The following GALNT13 variants were observed in gnomAD, a reference collection of about 807,000 sequenced individuals.
GALNT13 encodes UDP-GalNAc:polypeptide N-acetylgalactosaminyltransferase 13.
A neutral mutation model predicts 64.2 loss-of-function variants in GALNT13; 28 were observed. The observed-to-expected ratio is 0.44, with a 90% CI of 0.32 to 0.60. The LOEUF is 0.60. Ranked by LOEUF, GALNT13 falls within the 20% of genes least tolerant of loss-of-function variation. GALNT13 has a pLI of 0.05. For missense variants in GALNT13, 577 were observed against 669.8 expected (o/e 0.86, Z 1.53); for synonymous variants, 214 against 224.6 (o/e 0.95, Z 0.42).
the GALNT13 span, among the ~76,000 whole-genome samples, chr2:153,667,232 T>C: frequency 6.6e-6 from 1 of 152,130 alleles, no homozygotes; most frequent in Non-Finnish European, 1.5e-5. Context: ...TCCCTGAACA[T>C]TTCCCCAGCC....
chr2:153,164,339 C>T, the GALNT13 span, among the ~76,000 whole-genome samples: 1 of 152,046 alleles, frequency 6.6e-6, no homozygotes, highest in African/African-American at 2.4e-5. Context: ...CGAGTGAGAA[C>T]ATCTCATGTA....
chr2:153,804,019 G>T, the GALNT13 span, among the ~76,000 whole-genome samples: 1 of 152,138 alleles, frequency 6.6e-6, no homozygotes, highest in Non-Finnish European at 1.5e-5. Flanking sequence ...GACCACATCT[G>T]CATTTGTCAA....
At chr2:153,708,056 C>G in the GALNT13 span, among the ~76,000 whole-genome samples, 1 of 152,108 alleles carries the variant, frequency 6.6e-6, no homozygotes, top group African/African-American at 2.4e-5. Flanking sequence ...TCCATACCCC[C>G]TACCCACAAG....
At chr2:153,246,755 C>T in the GALNT13 span, among the ~76,000 whole-genome samples, 4 of 152,134 alleles carry the variant, frequency 2.6e-5, no homozygotes, top group African/African-American at 9.7e-5. Context: ...TGCAAAATAA[C>T]CAGCTGGCAT....
intron 8 of GALNT13, among the ~76,000 whole-genome samples, chr2:154,265,628 G>A (rs1422582472): frequency 6.6e-6 from 1 of 152,120 alleles, no homozygotes; most frequent in Non-Finnish European, 1.5e-5. Flanking sequence ...GAACCCAAGA[G>A]GGAGAGGTTG....
chr2:153,499,378 C>T, the GALNT13 span, among the ~76,000 whole-genome samples: 3 of 152,114 alleles, frequency 2.0e-5, no homozygotes, highest in East Asian at 1.9e-4. Context: ...CATGAGTGGA[C>T]ATGGGTGGGT....
chr2:153,602,322 G>C, the GALNT13 span, among the ~76,000 whole-genome samples: 1 of 151,776 alleles, frequency 6.6e-6, no homozygotes, highest in African/African-American at 2.4e-5. Flanking sequence ...CGGTGTCTGT[G>C]AAAGACAGAA....
chr2:153,308,901 A>G, the GALNT13 span, among the ~76,000 whole-genome samples: 27 of 152,266 alleles, frequency 1.8e-4, no homozygotes, highest in South Asian at 5.2e-3. Flanking sequence ...TAGAATAATG[A>G]CATACAGGAG....
At chr2:153,095,292 T>C in the GALNT13 span, among the ~76,000 whole-genome samples, 1 of 152,180 alleles carries the variant, frequency 6.6e-6, no homozygotes, top group South Asian at 2.1e-4. Context: ...GAAAAAATGC[T>C]CATCATCACT....
At chr2:153,990,168 A>G (rs936499137) in intron 3 of GALNT13, among the ~76,000 whole-genome samples, 1 of 152,048 alleles carries the variant, frequency 6.6e-6, no homozygotes, top group Non-Finnish European at 1.5e-5. Context: ...GTGAAAAATT[A>G]AGGCCTGAAA....
At chr2:153,720,889 A>G in the GALNT13 span, among the ~76,000 whole-genome samples, 4 of 151,624 alleles carry the variant, frequency 2.6e-5, no homozygotes, top group Non-Finnish European at 5.9e-5. Context: ...AACACTCTGC[A>G]GGATATTATC....
intron 2 of GALNT13, among the ~76,000 whole-genome samples, chr2:153,930,805 G>T (rs150636928): frequency 1.3e-5 from 2 of 152,114 alleles, no homozygotes; most frequent in East Asian, 3.9e-4. Context: ...GGCTATCTGG[G>T]CTCTTATTTG....
At chr2:153,271,096 ACTAGG>A in the GALNT13 span, among the ~76,000 whole-genome samples, 1 of 152,166 alleles carries the variant, frequency 6.6e-6, no homozygotes, top group Non-Finnish European at 1.5e-5. Context: ...CTCTCAATAA[ACTAGG>A]TATTGATGGA....
intron 11 of GALNT13, among the ~76,000 whole-genome samples, chr2:154,428,088 TG>T (rs1347639744): frequency 6.6e-6 from 1 of 152,224 alleles, no homozygotes; most frequent in Non-Finnish European, 1.5e-5. Context: ...GTTTTATTTC[TG>T]GATTTTTGTT....
chr2:154,363,248 T>C (rs1193841590), intron 9 of GALNT13, among the ~76,000 whole-genome samples: 1 of 152,212 alleles, frequency 6.6e-6, no homozygotes, highest in African/African-American at 2.4e-5. Flanking sequence ...TCACTACTCT[T>C]TCATCTTCTC....
At chr2:154,051,243 T>C (rs2105346808) in intron 3 of GALNT13, among the ~76,000 whole-genome samples, 1 of 151,544 alleles carries the variant, frequency 6.6e-6, no homozygotes, top group East Asian at 1.9e-4. Flanking sequence ...TCTCAATTAC[T>C]GGAAGAAGCA....
intron 3 of GALNT13, among the ~76,000 whole-genome samples, chr2:153,978,419 G>A (rs1187291843): frequency 6.6e-6 from 1 of 152,094 alleles, no homozygotes; most frequent in African/African-American, 2.4e-5. Context: ...ATATGGTTTG[G>A]CTGTGTCCCC....
At chr2:153,730,431 A>C in the GALNT13 span, among the ~76,000 whole-genome samples, 1 of 151,966 alleles carries the variant, frequency 6.6e-6, no homozygotes, top group Non-Finnish European at 1.5e-5. Context: ...ACCATATACA[A>C]AAATCAACTC....
chr2:153,745,664 C>T, the GALNT13 span, among the ~76,000 whole-genome samples: 1 of 152,108 alleles, frequency 6.6e-6, no homozygotes, highest in Non-Finnish European at 1.5e-5. Flanking sequence ...AAATATTAAG[C>T]ATAGGTTAAC....
Sources: gnomAD v4.1 joint callset for allele counts (sites outside exome capture counted in the v4.1 genomes callset) on GRCh38, gnomAD v4.1.1 for gene constraint, MANE v1.5 for transcripts, NCBI Gene and HGNC (gene_info 2026-07-23, HGNC 2026-07-21) for gene names.